The following SUMF1 variants were observed in gnomAD, a reference collection of about 807,000 sequenced individuals.
The protein encoded by SUMF1 is formylglycine-generating enzyme.
Under a neutral mutation model 47.6 loss-of-function variants are expected in SUMF1, and 48 were observed. The observed-to-expected ratio is 1.01, with a 90% CI of 0.80 to 1.28. SUMF1 has a LOEUF of 1.28. Ranked by LOEUF, SUMF1 falls within the 50% of genes most tolerant of loss-of-function variation. The probability of loss-of-function intolerance (pLI) is 0.00; values close to 1 mark genes in which losing one functional copy is unlikely to be tolerated. For synonymous variants in SUMF1, 230 were observed against 192.1 expected (o/e 1.20, Z -1.63); for missense variants, 571 against 485.4 (o/e 1.18, Z -1.66).
At chr3:4,373,551 G>A (rs912150574) in intron 8 of SUMF1, among the ~76,000 whole-genome samples, 9 of 151,758 alleles carry the variant, frequency 5.9e-5, no homozygotes, top group Admixed American at 3.9e-4. Flanking sequence ...TCAGAAATTC[G>A]ACCCTGTCTC....
chr3:4,238,026 T>C (rs1696448968), intron 8 of SUMF1, among the ~76,000 whole-genome samples: 1 of 151,942 alleles, frequency 6.6e-6, no homozygotes, highest in Non-Finnish European at 1.5e-5. Flanking sequence ...TGAGAACATG[T>C]GGTGTTTGGT....
intron 8 of SUMF1, among the ~76,000 whole-genome samples, chr3:4,307,628 G>A (rs1698242334): frequency 6.6e-6 from 1 of 152,190 alleles, no homozygotes; most frequent in South Asian, 2.1e-4. Flanking sequence ...CTGATTTCCA[G>A]TATATCATTT....
chr3:4,220,307 T>C (rs1054936855), intron 8 of SUMF1, among the ~76,000 whole-genome samples: 4 of 152,122 alleles, frequency 2.6e-5, no homozygotes, highest in African/African-American at 9.7e-5. Flanking sequence ...GGGACTAAAA[T>C]TGAGTTCCTT....
chr3:4,445,090 C>G (rs1702734634), intron 3 of SUMF1, among the ~76,000 whole-genome samples: 1 of 152,110 alleles, frequency 6.6e-6, no homozygotes, highest in Non-Finnish European at 1.5e-5. Context: ...TAGATATGTT[C>G]TAAAATTAGA....
chr3:4,326,522 G>GTTTTTTTTTTTTTTTTTTTTTTTT, intron 8 of SUMF1, among the ~76,000 whole-genome samples: 1 of 128,698 alleles, frequency 7.8e-6, no homozygotes, highest in Non-Finnish European at 1.6e-5. Context: ...TTTTCCAAGG[G>GTTTTTTTTTTTTTTTTTTTTTTTT]TTTTTTTTTT....
rs188998160 is a variant in SUMF1 at position 4,314,056 on chromosome 3, C to T, written c.1014+62274G>A. 1.4e-3 allele frequency: 705 copies of T among 504,124 alleles called. 1 individual carries two copies. The highest frequency in any genetic ancestry group is 3.6e-3 in the Middle Eastern group (7 of 1,944). The allele number at this position is 504,124 out of a possible 1,614,324, so 31.2% of individuals were successfully genotyped here. A position where few individuals can be genotyped will look rare whatever the true frequency, so the allele number is the denominator to read the frequency against. The stretch of plus-strand genomic sequence containing the variant: ...GGAGATATCCTGCCCTTCACCTCCT[C>T]TTTCTTCCTGCTGGCTGGAATGTAT... On this transcript the variant is annotated intron_variant and NMD_transcript_variant, in intron 8 of 12. Coordinates refer to the SUMF1 transcript ENST00000448413.
At chr3:4,410,721 C>T (rs900913589) in intron 7 of SUMF1, 144 bp downstream of exon 7, 18 of 750,978 alleles carry the variant, frequency 2.4e-5, no homozygotes, top group Middle Eastern at 3.0e-4. Flanking sequence ...AAGAAACATG[C>T]GCTTAATGTG....
chr3:4,442,622 GACA>G (rs1702639142), intron 3 of SUMF1, among the ~76,000 whole-genome samples: 1 of 64,646 alleles, frequency 1.5e-5, no homozygotes, highest in Non-Finnish European at 3.2e-5. Context: ...GAAATAGAGG[GACA>G]AGAGAGAAAA....
chr3:4,303,672 A>G (rs1307892889), intron 8 of SUMF1: 2 of 1,487,882 alleles, frequency 1.3e-6, no homozygotes, highest in Admixed American at 2.2e-5. Context: ...ATAGGTGTGC[A>G]TGCCCCGGCC....
chr3:4,174,184 G>A (rs943312195), intron 8 of SUMF1, among the ~76,000 whole-genome samples: 6 of 151,510 alleles, frequency 4.0e-5, no homozygotes, highest in Non-Finnish European at 5.9e-5. Flanking sequence ...GTGAAACCCC[G>A]TCTCTACTAA....
At chr3:4,039,963 A>G (rs944838422) in intron 9 of SUMF1, among the ~76,000 whole-genome samples, 23 of 152,150 alleles carry the variant, frequency 1.5e-4, no homozygotes, top group Non-Finnish European at 3.2e-4. Context: ...TTAAGGCTGC[A>G]ATGAGCCATG....
In SUMF1 at chr3:4,394,856, T is replaced by C. The variant is rs879629620; in HGVS notation, c.954+16009A>G. On this transcript the variant is annotated intron_variant, in intron 7 of 8. Transcript: ENST00000272902. ...TAGCTTCTCCTGTATGAAATCCACA[T>C]CATCAAAGTATTTTTATCATCAGAG... Among the ~76,000 whole-genome samples, 12 of 152,198 alleles carry C rather than the reference T, an allele frequency of 7.9e-5. 1 individual carries two copies. The highest frequency in any genetic ancestry group is 3.9e-4 in the Admixed American group (6 of 15,282).
chr3:4,303,279 C>G (rs1470227632), intron 8 of SUMF1: 3 of 1,348,960 alleles, frequency 2.2e-6, no homozygotes, highest in Middle Eastern at 1.8e-4. Context: ...CTACAATTCC[C>G]ATGAGGCGGT....
intron 8 of SUMF1, among the ~76,000 whole-genome samples, chr3:4,362,547 T>C (rs948285368): frequency 4.6e-5 from 7 of 152,192 alleles, no homozygotes; most frequent in Admixed American, 2.6e-4. Flanking sequence ...TTTAGGCACA[T>C]CCATATAATA....
Position 4,373,765 on chromosome 3 carries a change from A to G in SUMF1, c.1014+2565T>C, listed in dbSNP as rs377076349. 5.9e-4 allele frequency among the ~76,000 whole-genome samples: 89 copies of G among 151,366 alleles called. 2 individuals carry two copies. The South Asian group carries it at 0.019, about 32-fold the overall frequency. ...AAGACATTACAAGAAAACACAGAATAAACTAGATTCAAAAATACTCATAAT... is the reference window on the plus strand; with the variant it reads ...AAGACATTACAAGAAAACACAGAATGAACTAGATTCAAAAATACTCATAAT... On this transcript the variant is annotated intron_variant, in intron 8 of 8. Transcript: ENST00000272902.
At chr3:4,406,443 G>A (rs1701378951) in intron 7 of SUMF1, among the ~76,000 whole-genome samples, 1 of 151,950 alleles carries the variant, frequency 6.6e-6, no homozygotes, top group Non-Finnish European at 1.5e-5. Flanking sequence ...ATCACCAGAG[G>A]TCAGGAGTTC....
At chr3:4,248,224 T>A (rs1438150258) in intron 8 of SUMF1, among the ~76,000 whole-genome samples, 3 of 151,926 alleles carry the variant, frequency 2.0e-5, no homozygotes, top group African/African-American at 7.3e-5. Flanking sequence ...AACAAAGGAG[T>A]CATTGCTCAA....
At chr3:4,431,342 T>C (rs1050529294) in intron 3 of SUMF1, among the ~76,000 whole-genome samples, 1 of 152,262 alleles carries the variant, frequency 6.6e-6, no homozygotes, top group African/African-American at 2.4e-5. Context: ...ATTGGTTTTC[T>C]ACACTGCCAT....
At chr3:4,133,855 A>G (rs1693851883) in intron 8 of SUMF1, among the ~76,000 whole-genome samples, 1 of 152,040 alleles carries the variant, frequency 6.6e-6, no homozygotes, top group Non-Finnish European at 1.5e-5. Flanking sequence ...AACTCTGACT[A>G]ATACAGGTGT....
Sources: gnomAD v4.1 joint callset for allele counts (sites outside exome capture counted in the v4.1 genomes callset) on GRCh38, gnomAD v4.1.1 for gene constraint, MANE v1.5 for transcripts, NCBI Gene and HGNC (gene_info 2026-07-23, HGNC 2026-07-21) for gene names.